Variants in PCA3 observed in about 807,000 individuals in gnomAD.
PCA3 encodes prostate cancer associated 3, also known as Differential Display code 3.
intron 2 of PCA3, among the ~76,000 whole-genome samples, chr9:76,766,217 A>C (rs891172897): frequency 6.6e-6 from 1 of 151,846 alleles, no homozygotes; most frequent in African/African-American, 2.4e-5. Context: ...AAATATACCA[A>C]AGTAAATGCA....
At chr9:76,775,236 A>C (rs146217345) in intron 2 of PCA3, among the ~76,000 whole-genome samples, 24 of 152,370 alleles carry the variant, frequency 1.6e-4, no homozygotes, top group Non-Finnish European at 2.5e-4. Flanking sequence ...GAAAACATCC[A>C]GCTAGAATGC....
At chr9:76,772,452 G>A (rs1020829342) in intron 2 of PCA3, among the ~76,000 whole-genome samples, 2 of 152,124 alleles carry the variant, frequency 1.3e-5, no homozygotes, top group Admixed American at 1.3e-4. Flanking sequence ...GGAACTGTCT[G>A]TCTCCAAGCT....
chr9:76,768,038 G>A (rs2052614069), intron 2 of PCA3, among the ~76,000 whole-genome samples: 3 of 152,130 alleles, frequency 2.0e-5, no homozygotes, highest in Non-Finnish European at 4.4e-5. Context: ...CATCACAGCG[G>A]CAGGTCAGAG....
intron 2 of PCA3, among the ~76,000 whole-genome samples, chr9:76,775,472 G>GT (rs11394055): frequency 0.3 from 45,850 of 150,504 alleles, 7,164 homozygotes; most frequent in East Asian, 0.48. Flanking sequence ...AATTTTTGTG[G>GT]TTTTTTTTTG....
At chr9:76,775,787 G>A (rs887967417) in intron 2 of PCA3, among the ~76,000 whole-genome samples, 3 of 152,212 alleles carry the variant, frequency 2.0e-5, no homozygotes, top group Non-Finnish European at 4.4e-5. Flanking sequence ...AAAAGCACAA[G>A]GATTGCTCAC....
At chr9:76,781,087 A>G (rs1315862834) in intron 2 of PCA3, among the ~76,000 whole-genome samples, 3 of 152,200 alleles carry the variant, frequency 2.0e-5, no homozygotes, top group African/African-American at 7.2e-5. Flanking sequence ...ATAAAAATGT[A>G]TCTTGAATTT....
At position 76,776,504 on chromosome 9, in the gene PCA3, TTTTTTTC is replaced by T. The variant is rs1242891551; in HGVS notation, n.853-32065_853-32059del. 4.7e-3 allele frequency among the ~76,000 whole-genome samples: 706 copies of T among 151,352 alleles called. 1 individual carries two copies. The highest frequency in any genetic ancestry group is 7.2e-3 in the Non-Finnish European group (491 of 67,872). On this transcript the variant is annotated intron_variant and non_coding_transcript_variant, in intron 2 of 5. Transcript: ENST00000644657. ...ATACATTTACACCACATTTTCTTTTTTTTTTTCTTTTTTCTTTTTTTTTTTTTTTTGA... is the reference window on the plus strand; with the variant it reads ...ATACATTTACACCACATTTTCTTTTTTTTTTTCTTTTTTTTTTTTTTTTGA...
At chr9:76,770,515 T>C (rs1008553980) in intron 2 of PCA3, among the ~76,000 whole-genome samples, 5 of 152,186 alleles carry the variant, frequency 3.3e-5, no homozygotes, top group African/African-American at 7.2e-5. Flanking sequence ...TTTCATGAAA[T>C]TGACATTCAT....
intron 2 of PCA3, among the ~76,000 whole-genome samples, chr9:76,776,373 G>T (rs1455725180): frequency 6.6e-6 from 1 of 152,108 alleles, no homozygotes; most frequent in African/African-American, 2.4e-5. Flanking sequence ...CCACTTACAA[G>T]TGAGACCATG....
intron 2 of PCA3, among the ~76,000 whole-genome samples, chr9:76,766,412 T>C (rs916672205): frequency 2.0e-5 from 3 of 152,054 alleles, no homozygotes; most frequent in African/African-American, 7.2e-5. Flanking sequence ...GAGTCAGCTT[T>C]CTCTTTTCTT....
chr9:76,784,974 T>C (rs1405739276), intron 2 of PCA3: 1 of 152,208 alleles, frequency 6.6e-6, no homozygotes, highest in Non-Finnish European at 1.5e-5. Context: ...TTTAATTACA[T>C]ATTTTGTTTT....
intron 2 of PCA3, among the ~76,000 whole-genome samples, chr9:76,768,019 C>G (rs2052610448): frequency 6.6e-6 from 1 of 152,176 alleles, no homozygotes; most frequent in African/African-American, 2.4e-5. Flanking sequence ...TGCCCTCCAG[C>G]TATACGTGCA....
At chr9:76,773,227 A>G (rs574922328) in intron 2 of PCA3, among the ~76,000 whole-genome samples, 56 of 152,324 alleles carry the variant, frequency 3.7e-4, no homozygotes, top group African/African-American at 1.2e-3. Flanking sequence ...TACTGTGTGC[A>G]CTGACTGAGA....
intron 2 of PCA3, among the ~76,000 whole-genome samples, chr9:76,769,587 G>A (rs998633210): frequency 2.6e-5 from 4 of 152,058 alleles, no homozygotes; most frequent in African/African-American, 4.8e-5. Context: ...CACCATGTCC[G>A]GCTAATTTTC....
chr9:76,781,138 T>C (rs1333060168), intron 2 of PCA3, among the ~76,000 whole-genome samples: 1 of 152,228 alleles, frequency 6.6e-6, no homozygotes, highest in African/African-American at 2.4e-5. Flanking sequence ...CTTCAAACCA[T>C]GGTCACCTCT....
chr9:76,776,887 AACACATACAC>A (rs771597017), intron 2 of PCA3, among the ~76,000 whole-genome samples: 1,649 of 96,526 alleles, frequency 0.017, 33 homozygotes, highest in African/African-American at 0.049. Flanking sequence ...TCATTACCAA[AACACATACAC>A]ACACACACAC....
intron 2 of PCA3, among the ~76,000 whole-genome samples, chr9:76,782,382 A>G (rs2054509744): frequency 6.6e-6 from 1 of 152,172 alleles, no homozygotes; most frequent in South Asian, 2.1e-4. Flanking sequence ...AGGTCAGTGG[A>G]GTAGTTAAGA....
At chr9:76,787,431 T>G (rs2131331013) in intron 2 of PCA3, 1 of 152,214 alleles carries the variant, frequency 6.6e-6, no homozygotes, top group Non-Finnish European at 1.5e-5. Context: ...GACAAATACC[T>G]AATGCATGTG....
chr9:76,783,196 G>A (rs1333223533), intron 2 of PCA3, among the ~76,000 whole-genome samples: 1 of 152,192 alleles, frequency 6.6e-6, no homozygotes, highest in African/African-American at 2.4e-5. Flanking sequence ...GAGTGCAATG[G>A]CACAATTACA....
Sources: allele counts gnomAD v4.1 joint callset (sites outside exome capture counted in the v4.1 genomes callset), GRCh38; gene constraint gnomAD v4.1.1; transcripts MANE v1.5; gene names NCBI Gene and HGNC (gene_info 2026-07-23, HGNC 2026-07-21).